Variants in ELMO1 observed in about 807,000 individuals in gnomAD.
The protein encoded by ELMO1 is engulfment and cell motility 1.
Under a neutral mutation model 98.9 loss-of-function variants are expected in ELMO1, and 26 were observed. The observed-to-expected ratio is 0.26, with a 90% CI of 0.19 to 0.36. The LOEUF (loss-of-function observed/expected upper bound fraction) is 0.36, where lower values mean the gene tolerates loss of function less well. Ranked by LOEUF, ELMO1 falls within the 10% of genes least tolerant of loss-of-function variation. The pLI is 1.00. For missense variants in ELMO1, 627 were observed against 935.2 expected, an observed-to-expected ratio of 0.67 and a Z score of 4.30; for synonymous variants, 346 against 346.0, an observed-to-expected ratio of 1.00 and a Z score of 0.00.
chr7:37,079,542 G>T (rs766053663), intron 15 of ELMO1, among the ~76,000 whole-genome samples: 1 of 152,026 alleles, frequency 6.6e-6, no homozygotes, highest in Non-Finnish European at 1.5e-5. Flanking sequence ...TAGTCCCATT[G>T]CCTCTGCCCC....
Position 36,987,356 on chromosome 7 carries a change from C to G in ELMO1, c.1437+25943G>C, listed in dbSNP as rs574616447. Among the ~76,000 whole-genome samples the G allele has an allele frequency of 7.9e-5, 12 of 152,286 alleles. No individual in the cohort carries two copies. In the East Asian group the frequency reaches 2.3e-3, roughly 29 times the overall value. On this transcript the variant is annotated intron_variant, in intron 16 of 21. Transcript: ENST00000310758. Reference sequence around the variant, plus strand: ...CACATCCTGGTCAGACTCGAGGGGGCTCATAAGGTGGCAATCTCACTCAGG... The same window carrying G: ...CACATCCTGGTCAGACTCGAGGGGGGTCATAAGGTGGCAATCTCACTCAGG...
chr7:37,241,291 A>T (rs1794755097), intron 7 of ELMO1, among the ~76,000 whole-genome samples: 1 of 152,080 alleles, frequency 6.6e-6, no homozygotes, highest in Non-Finnish European at 1.5e-5. Context: ...ATTGCTTTCA[A>T]GTCTTATCTT....
intron 1 of ELMO1, among the ~76,000 whole-genome samples, chr7:37,364,367 GACA>G (rs2131336415): frequency 6.6e-6 from 1 of 152,338 alleles, no homozygotes; most frequent in East Asian, 1.9e-4. Context: ...CCCAGTTTCA[GACA>G]ACAAGCAAGA....
chr7:37,100,492 T>A (rs1042297939), intron 14 of ELMO1, among the ~76,000 whole-genome samples: 2 of 152,196 alleles, frequency 1.3e-5, no homozygotes, highest in Non-Finnish European at 2.9e-5. Flanking sequence ...CTTCTCTGGC[T>A]CTCTTGCCCT....
chr7:37,267,036 T>TAC (rs1324539354), intron 5 of ELMO1, among the ~76,000 whole-genome samples: 9 of 26,928 alleles, frequency 3.3e-4, no homozygotes, highest in Admixed American at 2.6e-3. Flanking sequence ...AATATGTATA[T>TAC]ATACACACAC....
intron 20 of ELMO1, among the ~76,000 whole-genome samples, chr7:36,863,481 G>A (rs895520377): frequency 1.2e-4 from 19 of 152,070 alleles, no homozygotes; most frequent in African/African-American, 3.4e-4. Flanking sequence ...TCAAGAACCA[G>A]AGATGCTATG....
At chr7:37,077,129 T>C (rs1172327916) in intron 15 of ELMO1, among the ~76,000 whole-genome samples, 1 of 152,246 alleles carries the variant, frequency 6.6e-6, no homozygotes, top group Non-Finnish European at 1.5e-5. Context: ...GACAATCTTA[T>C]ACTAGAATTG....
chr7:37,436,792 T>C (rs1474773221), intron 1 of ELMO1, among the ~76,000 whole-genome samples: 1 of 152,170 alleles, frequency 6.6e-6, no homozygotes, highest in Non-Finnish European at 1.5e-5. Context: ...AAATGAATTG[T>C]CCAACCCACT....
intron 1 of ELMO1, among the ~76,000 whole-genome samples, chr7:37,383,329 C>T (rs1802654170): frequency 6.6e-6 from 1 of 152,184 alleles, no homozygotes; most frequent in South Asian, 2.1e-4. Context: ...GAAAAAATCA[C>T]AAAAGTTTAT....
intron 14 of ELMO1, among the ~76,000 whole-genome samples, chr7:37,115,979 G>A (rs982567958): frequency 6.6e-6 from 1 of 152,218 alleles, no homozygotes; most frequent in Non-Finnish European, 1.5e-5. Context: ...TGGGAGAAAT[G>A]AGAGATGGGA....
At chr7:36,936,893 A>C (rs1786579781) in intron 16 of ELMO1, among the ~76,000 whole-genome samples, 1 of 152,218 alleles carries the variant, frequency 6.6e-6, no homozygotes, top group African/African-American at 2.4e-5. Context: ...TTAAGTATAG[A>C]GTAAGCACTG....
chr7:37,045,654 A>AT (rs1294435634), intron 15 of ELMO1, among the ~76,000 whole-genome samples: 2 of 152,134 alleles, frequency 1.3e-5, no homozygotes, highest in South Asian at 2.1e-4. Context: ...TTTTTAAAAA[A>AT]ATATATATTT....
At chr7:36,930,673 G>A (rs1417781507) in intron 16 of ELMO1, among the ~76,000 whole-genome samples, 1 of 152,140 alleles carries the variant, frequency 6.6e-6, no homozygotes, top group Non-Finnish European at 1.5e-5. Flanking sequence ...TTTTAATGCT[G>A]TGTTTTTAGA....
Position 37,070,349 on chromosome 7 carries a change from G to T in ELMO1, c.1300+26270C>A, listed in dbSNP as rs187771718. Among the ~76,000 whole-genome samples, 177 of 152,238 alleles carry T rather than the reference G, an allele frequency of 1.2e-3. 1 individual carries two copies. The Middle Eastern group carries it at 0.017, about 15-fold the overall frequency. On this transcript the variant is annotated intron_variant, in intron 15 of 21. Transcript: ENST00000310758. The stretch of plus-strand genomic sequence containing the variant: ...AGAAGAGGATATGAGAATATGAGAG[G>T]CTGGGAAAAATTCATATGAAGATGC...
chr7:37,448,229 A>T (rs1047325646), intron 1 of ELMO1, among the ~76,000 whole-genome samples: 2 of 151,348 alleles, frequency 1.3e-5, no homozygotes, highest in Non-Finnish European at 2.9e-5. Context: ...GCTCTATAGG[A>T]ATCTTGACTC....
At chr7:36,943,547 G>T (rs1483926152) in intron 16 of ELMO1, among the ~76,000 whole-genome samples, 1 of 152,176 alleles carries the variant, frequency 6.6e-6, no homozygotes, top group African/African-American at 2.4e-5. Context: ...GGACTGTCCT[G>T]TTCCTATTTC....
chr7:37,285,101 G>C (rs1184405975), intron 4 of ELMO1, among the ~76,000 whole-genome samples: 3 of 152,326 alleles, frequency 2.0e-5, no homozygotes, highest in South Asian at 4.1e-4. Flanking sequence ...CTGGCCAGCT[G>C]CTTTCCTCTG....
chr7:37,310,890 T>C (rs980722333), intron 4 of ELMO1, among the ~76,000 whole-genome samples: 1 of 152,178 alleles, frequency 6.6e-6, no homozygotes, highest in Non-Finnish European at 1.5e-5. Context: ...ACCTGCATCA[T>C]TGGACTGTGA....
chr7:37,152,116 CA>C (rs145253480), intron 13 of ELMO1, among the ~76,000 whole-genome samples: 4 of 152,264 alleles, frequency 2.6e-5, no homozygotes, highest in African/African-American at 9.6e-5. Context: ...TAGATGGAGT[CA>C]AAAACTACTA....
Sources: gnomAD v4.1 joint callset for allele counts (sites outside exome capture counted in the v4.1 genomes callset) on GRCh38, gnomAD v4.1.1 for gene constraint, MANE v1.5 for transcripts, NCBI Gene and HGNC (gene_info 2026-07-23, HGNC 2026-07-21) for gene names.